Variants in RAPGEF1 observed in about 807,000 individuals in gnomAD.
RAPGEF1 encodes Rap guanine nucleotide exchange factor 1, also known as CRK SH3-binding GNRP.
A neutral mutation model predicts 143.3 loss-of-function variants in RAPGEF1; 33 were observed. The ratio of observed to expected loss-of-function variants is 0.23; its 90% CI spans 0.17 to 0.31. The LOEUF (loss-of-function observed/expected upper bound fraction) is 0.31, where lower values mean the gene tolerates loss of function less well. RAPGEF1 is among the 10% of genes least tolerant of loss of function. The pLI, the probability that RAPGEF1 is intolerant of heterozygous loss-of-function variation, is 1.00. For synonymous variants in RAPGEF1, 629 were observed against 676.5 expected, an observed-to-expected ratio of 0.93 and a Z score of 1.09; for missense variants, 1,199 against 1,645.4, an observed-to-expected ratio of 0.73 and a Z score of 4.69.
At chr9:131,726,767 C>T (rs909342019) in intron 1 of RAPGEF1, among the ~76,000 whole-genome samples, 1 of 152,148 alleles carries the variant, frequency 6.6e-6, no homozygotes, top group African/African-American at 2.4e-5. Flanking sequence ...TTATGCAAAT[C>T]TACACGTGTT....
rs1253904707 is a variant in RAPGEF1, at chr9:131,577,427, C to T, written c.*2070G>A. On this transcript the variant is annotated 3_prime_UTR_variant, in exon 27 of 27. Coordinates refer to ENST00000683357, the MANE Select transcript of RAPGEF1 (RefSeq NM_001377935.1). ...AAGGCAGACAGAGCTGTGGACAGCA[C>T]CCGACCACAGACACGGTTCTGCCTG... 3 of 152,332 alleles carry T rather than the reference C, an allele frequency of 2.0e-5. No individual in the cohort carries two copies. The highest frequency in any genetic ancestry group is 6.5e-5 in the Admixed American group (1 of 15,284). 9.4% of individuals were successfully genotyped at this position (152,332 alleles called of 1,614,324 possible). A position where few individuals can be genotyped will look rare whatever the true frequency, so the allele number is the denominator to read the frequency against.
At position 131,675,035 on chromosome 9, in the gene RAPGEF1, G is replaced by T. The variant is rs1047710133; in HGVS notation, c.62-24086C>A. On this transcript the variant is annotated intron_variant, in intron 1 of 26. Coordinates refer to ENST00000683357, the MANE Select transcript of RAPGEF1 (RefSeq NM_001377935.1). This position sits in a 1 kb window ranked among gnomAD's most constrained non-coding sequence, Gnocchi z 4.6. ...GGGGGTTCTGGAGGAGCAGCTGGGAGGGAGGGAGCAGAGAGAAGGCGAGCG... is the reference window on the plus strand; with the variant it reads ...GGGGGTTCTGGAGGAGCAGCTGGGATGGAGGGAGCAGAGAGAAGGCGAGCG... Among the ~76,000 whole-genome samples, 1 of 152,198 alleles carries T rather than the reference G, an allele frequency of 6.6e-6. No homozygotes were observed. The highest frequency in any genetic ancestry group is 2.4e-5 in the African/African-American group (1 of 41,456).
At chr9:131,587,604 C>T (rs547827121) in intron 22 of RAPGEF1, 132 bp downstream of exon 22, 5 of 854,870 alleles carry the variant, frequency 5.8e-6, no homozygotes, top group African/African-American at 1.7e-5. Flanking sequence ...CATGGGAACC[C>T]CCAGGAGCTT....
chr9:131,682,977 G>T (rs1833043898), intron 1 of RAPGEF1, among the ~76,000 whole-genome samples: 2 of 152,084 alleles, frequency 1.3e-5, no homozygotes, highest in Admixed American at 1.3e-4. Context: ...GACGACCTGG[G>T]GCTATTCAAC....
chr9:131,673,477 T>C (rs1216831183), intron 1 of RAPGEF1, among the ~76,000 whole-genome samples: 2 of 152,232 alleles, frequency 1.3e-5, no homozygotes, highest in African/African-American at 4.8e-5. Context: ...ATCTTTAAAG[T>C]TCTTTGAGCA....
chr9:131,727,878 A>C (rs1287024086), intron 1 of RAPGEF1, among the ~76,000 whole-genome samples: 2 of 152,236 alleles, frequency 1.3e-5, no homozygotes, highest in African/African-American at 2.4e-5. Context: ...TCTTCTGATG[A>C]GCTCAGAGAA....
At chr9:131,660,309 T>C (rs1354365554) in intron 1 of RAPGEF1, among the ~76,000 whole-genome samples, 1 of 152,240 alleles carries the variant, frequency 6.6e-6, no homozygotes. Context: ...ACACTGCTAA[T>C]GGGAATATTA....
At chr9:131,596,424 G>GA (rs1304663352) in intron 16 of RAPGEF1, 51 bp from the exon 17 acceptor site, 19 of 1,573,772 alleles carry the variant, frequency 1.2e-5, no homozygotes, top group Non-Finnish European at 1.7e-5. Flanking sequence ...GCCCTTCAGA[G>GA]AATCAGTTTA....
chr9:131,669,867 T>G (rs969278676), intron 1 of RAPGEF1, among the ~76,000 whole-genome samples: 8 of 152,176 alleles, frequency 5.3e-5, no homozygotes, highest in African/African-American at 1.9e-4. Flanking sequence ...TCCAGTCAAA[T>G]GTATTGGCCC....
At chr9:131,665,668 A>T (rs1830315926) in intron 1 of RAPGEF1, among the ~76,000 whole-genome samples, 1 of 152,010 alleles carries the variant, frequency 6.6e-6, no homozygotes, top group African/African-American at 2.4e-5. Flanking sequence ...CCCACCTCTG[A>T]GAGTAAGCCC....
intron 4 of RAPGEF1, among the ~76,000 whole-genome samples, chr9:131,639,483 C>T (rs1967195339): frequency 6.8e-6 from 1 of 146,962 alleles, no homozygotes; most frequent in Admixed American, 6.8e-5. Flanking sequence ...AGAGACCACG[C>T]TACCAGCTAC....
chr9:131,720,271 G>T (rs545515681), intron 1 of RAPGEF1, among the ~76,000 whole-genome samples: 17 of 152,190 alleles, frequency 1.1e-4, no homozygotes, highest in Non-Finnish European at 1.5e-4. Flanking sequence ...ACATAGCACA[G>T]CTCCTGGCAT....
chr9:131,602,119 T>C lies in RAPGEF1; in HGVS notation c.2443A>G (p.Arg815Gly). ...EPPAGKDGHP[R>G]DPSAVSGVPG... ...ACGCCGCTGACCGCTGAGGGATCTC[T>C]GGGATGTCCGTCTTTCCCAGCCGGT... The change falls in exon 15 of 27, where the codon AGA becomes GGA. Residue 815 changes from arginine (R) to glycine (G), a missense_variant. Physicochemically the swap from Arg to Gly is moderately radical, Grantham distance 125. Transcript: ENST00000683357. 6.2e-7 allele frequency: 1 copy of C among 1,600,796 alleles called. No homozygotes were observed. The highest frequency in any genetic ancestry group is 2.3e-5 in the East Asian group (1 of 44,084).
chr9:131,610,459 T>C (rs1258982031), intron 12 of RAPGEF1, among the ~76,000 whole-genome samples: 1 of 152,156 alleles, frequency 6.6e-6, no homozygotes, highest in African/African-American at 2.4e-5. Flanking sequence ...CATGGTGAAG[T>C]GTTTGGGAAG....
chr9:131,607,995 CCTCTT>C (rs1957383363), intron 12 of RAPGEF1, among the ~76,000 whole-genome samples: 1 of 152,212 alleles, frequency 6.6e-6, no homozygotes, highest in Non-Finnish European at 1.5e-5. Context: ...CAGCATGGTG[CCTCTT>C]CCGGGAGACG....
At chr9:131,595,849 G>A (rs1294187491) in intron 17 of RAPGEF1, among the ~76,000 whole-genome samples, 1 of 152,212 alleles carries the variant, frequency 6.6e-6, no homozygotes, top group African/African-American at 2.4e-5. Flanking sequence ...GAAGGTTCCT[G>A]GACAGAACAA....
At chr9:131,663,401 C>T (rs947777539) in intron 1 of RAPGEF1, among the ~76,000 whole-genome samples, 13 of 151,890 alleles carry the variant, frequency 8.6e-5, no homozygotes, top group African/African-American at 3.1e-4. Context: ...ATATTTAACA[C>T]TGACATAATA....
chr9:131,694,944 C>T (rs1394796940), intron 1 of RAPGEF1, among the ~76,000 whole-genome samples: 2 of 132,146 alleles, frequency 1.5e-5, no homozygotes, highest in African/African-American at 2.8e-5. Context: ...GCTATCCCTT[C>T]CCCCTCCCCC....
Position 131,583,824 on chromosome 9 carries a change from C to T in RAPGEF1, c.3414+487G>A, listed in dbSNP as rs1952260624. On this transcript the variant is annotated intron_variant, in intron 24 of 26. Transcript: ENST00000683357. This position sits in a 1 kb window ranked among gnomAD's most constrained non-coding sequence, Gnocchi z 4.7. ...GTCCCCTTTGATTCTCTTCCCTTCCCAGGAAACTCCTCCTCCTCTGCAGAT... is the reference window on the plus strand; with the variant it reads ...GTCCCCTTTGATTCTCTTCCCTTCCTAGGAAACTCCTCCTCCTCTGCAGAT... Among the ~76,000 whole-genome samples the T allele has an allele frequency of 6.6e-6, 1 of 152,210 alleles. No homozygotes were observed. Among genetic ancestry groups the T allele is most frequent in the South Asian group, 2.1e-4 (1 of 4,828 alleles).
Sources: allele counts gnomAD v4.1 joint callset (sites outside exome capture counted in the v4.1 genomes callset), GRCh38; gene constraint gnomAD v4.1.1; non-coding constraint Gnocchi (gnomAD v3.1); transcripts MANE v1.5; gene names NCBI Gene and HGNC (gene_info 2026-07-23, HGNC 2026-07-21).